The following JAKMIP1 variants were observed in gnomAD, a reference collection of about 807,000 sequenced individuals.
JAKMIP1 encodes the protein janus kinase and microtubule-interacting protein 1.
Under a neutral mutation model 113.0 loss-of-function variants are expected in JAKMIP1, and 33 were observed. That is an observed-to-expected ratio of 0.29 (90% CI 0.22 to 0.39). The LOEUF is 0.39. Among genes scored for constraint, JAKMIP1 ranks in the 10% least tolerant of loss-of-function variants. The probability of loss-of-function intolerance (pLI) is 1.00; values close to 1 mark genes in which losing one functional copy is unlikely to be tolerated. For synonymous variants in JAKMIP1, 480 were observed against 459.9 expected (o/e 1.04, Z -0.56); for missense variants, 813 against 1,080.5 (o/e 0.75, Z 3.47).
Position 6,080,138 on chromosome 4 carries a change from C to T in JAKMIP1, c.1242+34G>A. 1 of 1,551,476 alleles carries T rather than the reference C, an allele frequency of 6.4e-7. No homozygotes were observed. The highest frequency in any genetic ancestry group is 8.7e-7 in the Non-Finnish European group (1 of 1,146,970). On this transcript the variant is annotated intron_variant, in intron 7 of 20. Coordinates refer to ENST00000409021, the MANE Select transcript of JAKMIP1 (RefSeq NM_001099433.2). This position sits in a 1 kb window ranked among gnomAD's most constrained non-coding sequence, Gnocchi z 6.0. ...CCCATGTCAGCTGGTGCCACCCCTG[C>T]CAGGGGCAGCCGCGCCAGCTGTGCT...
At chr4:6,169,962 C>CACCACCACCACCACCACT (rs1217403096) in intron 1 of JAKMIP1, among the ~76,000 whole-genome samples, 1 of 135,496 alleles carries the variant, frequency 7.4e-6, no homozygotes, top group Non-Finnish European at 1.5e-5. Context: ...TCACTCTCAT[C>CACCACCACCACCACCACT]ACCACCACCA....
chr4:6,191,171 C>T (rs1727214853), intron 1 of JAKMIP1, among the ~76,000 whole-genome samples: 1 of 152,194 alleles, frequency 6.6e-6, no homozygotes, highest in Non-Finnish European at 1.5e-5. Context: ...CACTCTTGGG[C>T]CACGCCAAAG....
In JAKMIP1 at chr4:6,065,089, T is replaced by C; in HGVS notation, c.1303-81A>G. 2 of 1,547,846 alleles carry C rather than the reference T, an allele frequency of 1.3e-6. No individual in the cohort carries two copies. Among genetic ancestry groups the C allele is most frequent in the Non-Finnish European group, 1.8e-6 (2 of 1,128,218 alleles). On this transcript the variant is annotated intron_variant, in intron 8 of 20. Coordinates refer to ENST00000409021, the MANE Select transcript of JAKMIP1 (RefSeq NM_001099433.2). This position sits in a 1 kb window ranked among gnomAD's most constrained non-coding sequence, Gnocchi z 5.1. Reference sequence around the variant, plus strand: ...CAGTCCCTGGTCGTGGGCATGCCAGTGCAGGGGGGTGATGATTGACATTTG... The same window carrying C: ...CAGTCCCTGGTCGTGGGCATGCCAGCGCAGGGGGGTGATGATTGACATTTG...
chr4:6,034,678 T>C (rs1304011695), intron 19 of JAKMIP1, among the ~76,000 whole-genome samples: 1 of 152,108 alleles, frequency 6.6e-6, no homozygotes, highest in East Asian at 1.9e-4. Flanking sequence ...GGCGGGTGCC[T>C]ATAATCTCAG....
At chr4:6,127,136 C>T (rs1481076612) in intron 1 of JAKMIP1, among the ~76,000 whole-genome samples, 1 of 152,200 alleles carries the variant, frequency 6.6e-6, no homozygotes, top group Non-Finnish European at 1.5e-5. Flanking sequence ...TCTCTTTCTT[C>T]TGGGGGAAAA....
In JAKMIP1 at chr4:6,064,281, T is replaced by C. The variant is rs886125480; in HGVS notation, c.1431+599A>G. Among the ~76,000 whole-genome samples, 1 of 152,050 alleles carries C rather than the reference T, an allele frequency of 6.6e-6. No homozygotes were observed. Among genetic ancestry groups the C allele is most frequent in the Non-Finnish European group, 1.5e-5 (1 of 67,996 alleles). Reference sequence around the variant, plus strand: ...CCTGAAAGAATTCACCTGGGGAAGGTGAGTGAGAACGAAGCTGGTCTTTGC... The same window carrying C: ...CCTGAAAGAATTCACCTGGGGAAGGCGAGTGAGAACGAAGCTGGTCTTTGC... On this transcript the variant is annotated intron_variant, in intron 9 of 20. Coordinates refer to ENST00000409021, the MANE Select transcript of JAKMIP1 (RefSeq NM_001099433.2). The surrounding 1 kb of genome is among the most constrained non-coding windows in gnomAD (Gnocchi z 4.3).
chr4:6,108,834 C>T lies in JAKMIP1; in HGVS notation c.130-2867G>A, dbSNP rs1051579464. On this transcript the variant is annotated intron_variant, in intron 2 of 20. Coordinates refer to ENST00000409021, the MANE Select transcript of JAKMIP1 (RefSeq NM_001099433.2). This position sits in a 1 kb window ranked among gnomAD's most constrained non-coding sequence, Gnocchi z 5.6. ...GAAGGGAGCCATGCGGCAGTGGATGCGTCTTGGGACATCTGTAAGAACTCA... is the reference window on the plus strand; with the variant it reads ...GAAGGGAGCCATGCGGCAGTGGATGTGTCTTGGGACATCTGTAAGAACTCA... 2.0e-5 allele frequency among the ~76,000 whole-genome samples: 3 copies of T among 152,220 alleles called. No homozygotes were observed. Among genetic ancestry groups the T allele is most frequent in the Non-Finnish European group, 2.9e-5 (2 of 68,044 alleles).
rs1035223937 is a variant in JAKMIP1, at chr4:6,080,612, C to T, written c.1102-300G>A. Reference sequence around the variant, plus strand: ...CTCTGATGTTTTTATAAGGGTTTTCCCCTTTTACTTGGCTCTCAGTCTGTC... The same window carrying T: ...CTCTGATGTTTTTATAAGGGTTTTCTCCTTTTACTTGGCTCTCAGTCTGTC... On this transcript the variant is annotated intron_variant, in intron 6 of 20. Coordinates refer to ENST00000409021, the MANE Select transcript of JAKMIP1 (RefSeq NM_001099433.2). The surrounding 1 kb of genome is among the most constrained non-coding windows in gnomAD (Gnocchi z 6.0). 6.6e-6 allele frequency among the ~76,000 whole-genome samples: 1 copy of T among 152,064 alleles called. No individual in the cohort carries two copies. Among genetic ancestry groups the T allele is most frequent in the Non-Finnish European group, 1.5e-5 (1 of 68,016 alleles).
intron 7 of JAKMIP1, 27 bp from the exon 8 acceptor site, chr4:6,079,025 T>C: frequency 6.2e-7 from 1 of 1,613,882 alleles, no homozygotes; most frequent in Non-Finnish European, 8.5e-7. Context: ...CGGTTGGCAT[T>C]TCCAGCCAGC....
At chr4:6,078,107 G>A (rs758131811) in intron 8 of JAKMIP1, among the ~76,000 whole-genome samples, 27 of 152,128 alleles carry the variant, frequency 1.8e-4, no homozygotes, top group Non-Finnish European at 4.0e-4. Flanking sequence ...TCAATAAAAA[G>A]GAGAGAAGAC....
In JAKMIP1 at chr4:6,181,159, GA is replaced by G. The variant is rs1725970641; in HGVS notation, c.-148+19093del. 6.6e-6 allele frequency among the ~76,000 whole-genome samples: 1 copy of G among 152,138 alleles called. No individual in the cohort carries two copies. The highest frequency in any genetic ancestry group is 1.5e-5 in the Non-Finnish European group (1 of 68,032). On this transcript the variant is annotated intron_variant, in intron 1 of 20. Coordinates refer to ENST00000409021, the MANE Select transcript of JAKMIP1 (RefSeq NM_001099433.2). The surrounding 1 kb of genome is among the most constrained non-coding windows in gnomAD (Gnocchi z 5.4). ...TGTGGGCTTGATATGACTAGATGCT[GA>G]ACAGGGCGCTCCTTGACAGACACCT...
At chr4:6,190,703 A>T (rs1727162588) in intron 1 of JAKMIP1, among the ~76,000 whole-genome samples, 1 of 152,224 alleles carries the variant, frequency 6.6e-6, no homozygotes, top group African/African-American at 2.4e-5. Flanking sequence ...ACGCCTGCAA[A>T]TCTCAGGACA....
intron 12 of JAKMIP1, among the ~76,000 whole-genome samples, chr4:6,056,212 G>A (rs1245744115): frequency 6.7e-6 from 1 of 148,582 alleles, no homozygotes; most frequent in Non-Finnish European, 1.5e-5. Flanking sequence ...TTTCTCCAGG[G>A]TGTCCCCAGA....
chr4:6,102,721 A>ATTT (rs1560188201), intron 3 of JAKMIP1, among the ~76,000 whole-genome samples: 5 of 79,650 alleles, frequency 6.3e-5, no homozygotes, highest in Non-Finnish European at 1.3e-4. Context: ...CTCTCTAAAG[A>ATTT]CTTTTTTTTT....
chr4:6,102,722 C>CTTTTTTTTTTTT lies in JAKMIP1; in HGVS notation c.624+2739_624+2750dup, dbSNP rs1191358910. Among the ~76,000 whole-genome samples the CTTTTTTTTTTTT allele has an allele frequency of 1.6e-4, 8 of 50,834 alleles. 3 individuals are homozygous for CTTTTTTTTTTTT. The highest frequency in any genetic ancestry group is 3.4e-4 in the African/African-American group (4 of 11,686). 33.3% of individuals were successfully genotyped at this position (50,834 alleles called of 152,430 possible). A position where few individuals can be genotyped will look rare whatever the true frequency, so the allele number is the denominator to read the frequency against. ...TCCCTTTTTTCTCCCTCTCTAAAGA[C>CTTTTTTTTTTTT]TTTTTTTTTTTTTTTTTTTTTTTTT... On this transcript the variant is annotated intron_variant, in intron 3 of 20. Transcript: ENST00000409021.
intron 3 of JAKMIP1, among the ~76,000 whole-genome samples, chr4:6,098,713 AAAGAAAGAAAAAGAAAGAAAGAGAAG>A (rs772826817): frequency 0.37 from 11,803 of 31,550 alleles, 707 homozygotes; most frequent in Middle Eastern, 0.54. Flanking sequence ...AGAAAGAAAG[AAAGAAAGAAAAAGAAAGAAAGAGAAG>A]GAAGGAAGGA....
At chr4:6,160,037 G>A (rs1578418172) in intron 1 of JAKMIP1, among the ~76,000 whole-genome samples, 1 of 152,116 alleles carries the variant, frequency 6.6e-6, no homozygotes, top group African/African-American at 2.4e-5. Context: ...ATTTCCTTTT[G>A]GGAGTAAGGG....
intron 1 of JAKMIP1, among the ~76,000 whole-genome samples, chr4:6,171,024 A>G (rs1161437826): frequency 1.4e-5 from 2 of 147,322 alleles, no homozygotes; most frequent in South Asian, 4.4e-4. Context: ...CACCATAATC[A>G]CCACCATCAC....
At chr4:6,056,113 T>TC (rs1438393986) in intron 12 of JAKMIP1, among the ~76,000 whole-genome samples, 5 of 147,366 alleles carry the variant, frequency 3.4e-5, no homozygotes, top group Non-Finnish European at 4.5e-5. Context: ...GGGGCAGCCC[T>TC]CCCCATTTCT....
Sources: allele counts gnomAD v4.1 joint callset (sites outside exome capture counted in the v4.1 genomes callset), GRCh38; gene constraint gnomAD v4.1.1; non-coding constraint Gnocchi (gnomAD v3.1); transcripts MANE v1.5; gene names NCBI Gene and HGNC (gene_info 2026-07-23, HGNC 2026-07-21).